Variants in DYDC2 observed in about 807,000 individuals in gnomAD.
The protein encoded by DYDC2 is DPY30 domain-containing protein 2.
DYDC2 carries 19 observed loss-of-function variants against 18.7 expected under a neutral mutation model. The observed-to-expected ratio is 1.02, with a 90% CI of 0.71 to 1.49. DYDC2 has a LOEUF of 1.49. Ranked by LOEUF, DYDC2 falls within the 40% of genes most tolerant of loss-of-function variation. The pLI is 0.00. For synonymous variants in DYDC2, 63 were observed against 67.6 expected, an observed-to-expected ratio of 0.93 and a Z score of 0.34; for missense variants, 179 against 205.1, an observed-to-expected ratio of 0.87 and a Z score of 0.78.
At chr10:80,351,928 G>A, upstream of DYDC2, 1 of 1,614,088 alleles carries the variant, frequency 6.2e-7, no homozygotes, top group East Asian at 2.2e-5. Flanking sequence ...CCTCTGCTTT[G>A]AGCCTCTCCA....
chr10:80,345,977 G>C (rs1389041006), intron 1 of DYDC2, among the ~76,000 whole-genome samples: 1 of 152,098 alleles, frequency 6.6e-6, no homozygotes, highest in Admixed American at 6.5e-5. Context: ...GAGTAGCTGG[G>C]ACCACAGGTG....
intron 1 of DYDC2, among the ~76,000 whole-genome samples, chr10:80,348,796 C>T (rs1423996985): frequency 6.6e-6 from 1 of 152,214 alleles, no homozygotes; most frequent in Non-Finnish European, 1.5e-5. Context: ...TTAAATTATA[C>T]ACACATAGAC....
intron 1 of DYDC2, among the ~76,000 whole-genome samples, chr10:80,345,021 A>G (rs1020642268): frequency 6.6e-6 from 1 of 151,218 alleles, no homozygotes; most frequent in Non-Finnish European, 1.5e-5. Flanking sequence ...GTGGAATAGA[A>G]AAAGGCTGAG....
chr10:80,359,499 A>T (rs1199797115), intron 2 of DYDC2, among the ~76,000 whole-genome samples: 1 of 151,948 alleles, frequency 6.6e-6, no homozygotes, highest in African/African-American at 2.4e-5. Context: ...GTGTGCCCGC[A>T]CTCCTCAGCC....
chr10:80,363,205 A>G, intron 4 of DYDC2, 132 bp downstream of exon 4: 1 of 806,034 alleles, frequency 1.2e-6, no homozygotes, highest in Non-Finnish European at 1.8e-6. Flanking sequence ...ATATATGTGC[A>G]AGTATTCACA....
intron 2 of DYDC2, 29 bp from the exon 3 acceptor site, chr10:80,362,406 T>C (rs1843689359): frequency 3.1e-6 from 5 of 1,595,312 alleles, no homozygotes; most frequent in Admixed American, 1.7e-5. Context: ...GTTTGTAAAA[T>C]AGTGTGACTT....
At chr10:80,356,191 G>C, upstream of DYDC2, 3 of 952,934 alleles carry the variant, frequency 3.1e-6, no homozygotes, top group Non-Finnish European at 3.7e-6. Context: ...GCATGTTCCT[G>C]TCTGTGAAAC....
intron 1 of DYDC2, among the ~76,000 whole-genome samples, chr10:80,348,971 A>G (rs1842826282): frequency 2.0e-5 from 3 of 152,094 alleles, no homozygotes; most frequent in Admixed American, 2.0e-4. Context: ...GGCTCACTGC[A>G]AGCTCCGCCT....
At position 80,351,120 on chromosome 10, in the gene DYDC2, C is replaced by G. The variant is rs948975421; in HGVS notation, c.-309-5177C>G. 2.6e-5 allele frequency among the ~76,000 whole-genome samples: 4 copies of G among 152,294 alleles called. No homozygotes were observed. The East Asian group carries it at 7.7e-4, about 29-fold the overall frequency. On this transcript the variant is annotated intron_variant, in intron 1 of 4. Coordinates refer to the DYDC2 transcript ENST00000372197. ...CCAAAGCTGTCATTTCTAACTTCAC[C>G]ACTCTGCCCACACCTCCTACCTTAC...
At chr10:80,354,138 A>G (rs1843193815), upstream of DYDC2, among the ~76,000 whole-genome samples, 1 of 149,070 alleles carries the variant, frequency 6.7e-6, no homozygotes, top group African/African-American at 2.5e-5. Flanking sequence ...AAATATATAT[A>G]TATATATTTT....
upstream of DYDC2, chr10:80,356,322 G>C: frequency 1.0e-6 from 1 of 985,586 alleles, no homozygotes. Flanking sequence ...GCGTGAAGAA[G>C]GTGCCACAGA....
chr10:80,356,961 T>C, intron 1 of DYDC2, 136 bp downstream of exon 1: 1 of 544,482 alleles, frequency 1.8e-6, no homozygotes, highest in Non-Finnish European at 2.2e-6. Context: ...GGAGGGGGCG[T>C]GCAGGAGTAG....
chr10:80,352,683 G>A, upstream of DYDC2: 5 of 1,484,796 alleles, frequency 3.4e-6, no homozygotes, highest in Non-Finnish European at 4.5e-6. Context: ...AGTCCAGTGA[G>A]GTGAACAAAG....
chr10:80,356,181 G>A (rs1277771015), upstream of DYDC2: 4 of 934,364 alleles, frequency 4.3e-6, no homozygotes, highest in Non-Finnish European at 5.1e-6. Context: ...AACTCCCTTA[G>A]CATGTTCCTG....
chr10:80,363,470 G>A (rs760132914), intron 4 of DYDC2, among the ~76,000 whole-genome samples: 3 of 147,766 alleles, frequency 2.0e-5, no homozygotes, highest in Non-Finnish European at 3.0e-5. Flanking sequence ...TCAGCCTCCC[G>A]AGTATCTGGG....
At chr10:80,359,656 C>T (rs867822529) in intron 2 of DYDC2, among the ~76,000 whole-genome samples, 15 of 152,122 alleles carry the variant, frequency 9.9e-5, no homozygotes, top group Admixed American at 2.0e-4. Context: ...AGTAGAGGCC[C>T]GGCAAGAATT....
At chr10:80,358,805 T>C (rs1242940035) in intron 2 of DYDC2, among the ~76,000 whole-genome samples, 1 of 152,148 alleles carries the variant, frequency 6.6e-6, no homozygotes, top group African/African-American at 2.4e-5. Context: ...AATGAAGCCG[T>C]GGACCCTCAC....
chr10:80,348,261 T>C (rs1396893805), intron 1 of DYDC2, among the ~76,000 whole-genome samples: 1 of 152,236 alleles, frequency 6.6e-6, no homozygotes, highest in Non-Finnish European at 1.5e-5. Context: ...GAGTAAGTTA[T>C]TGGTAAACAG....
At chr10:80,364,687 T>A (rs1351055755) in intron 4 of DYDC2, among the ~76,000 whole-genome samples, 2 of 151,834 alleles carry the variant, frequency 1.3e-5, no homozygotes, top group African/African-American at 4.8e-5. Flanking sequence ...AGATGGGAAA[T>A]GACAACAAGC....
Sources: allele counts gnomAD v4.1 joint callset (sites outside exome capture counted in the v4.1 genomes callset), GRCh38; gene constraint gnomAD v4.1.1; transcripts MANE v1.5; gene names NCBI Gene and HGNC (gene_info 2026-07-23, HGNC 2026-07-21).